LANCL1: variants seen among roughly 807,000 people sequenced by gnomAD.
LANCL1 encodes the protein LanC like glutathione S-transferase 1, also known as glutathione S-transferase LANCL1.
In LANCL1, 50 loss-of-function variants were observed where a neutral mutation model predicts 50.6. That is an observed-to-expected ratio of 0.99 (90% confidence interval 0.79 to 1.25). LANCL1 has a LOEUF of 1.25. Among genes scored for constraint, LANCL1 ranks in the 50% most tolerant of loss-of-function variants. The pLI, the probability that LANCL1 is intolerant of heterozygous loss-of-function variation, is 0.00. For synonymous variants in LANCL1, 188 were observed against 178.6 expected (o/e 1.05, Z -0.42); for missense variants, 532 against 480.7 (o/e 1.11, Z -1.00).
At chr2:210,438,377 C>T (rs182371985) in intron 6 of LANCL1, among the ~76,000 whole-genome samples, 3 of 152,208 alleles carry the variant, frequency 2.0e-5, no homozygotes, top group East Asian at 1.9e-4. Flanking sequence ...TCAGATGATC[C>T]GCCCACCTTG....
Position 210,433,363 on chromosome 2 carries a change from T to C in LANCL1, c.*1124A>G, listed in dbSNP as rs1247557131. 1 of 152,200 alleles carries C rather than the reference T, an allele frequency of 6.6e-6. No individual in the cohort carries two copies. Among genetic ancestry groups the C allele is most frequent in the African/African-American group, 2.4e-5 (1 of 41,450 alleles). The allele number at this position is 152,200 out of a possible 1,614,324, so 9.4% of individuals were successfully genotyped here. ...TGTTCTAAGCATGAACTCTGGATAATACCTCCTCAATAAAAAGCATTTCTA... is the reference window on the plus strand; with the variant it reads ...TGTTCTAAGCATGAACTCTGGATAACACCTCCTCAATAAAAAGCATTTCTA... On this transcript the variant is annotated 3_prime_UTR_variant, in exon 10 of 10. Coordinates refer to ENST00000450366, the MANE Select transcript of LANCL1 (RefSeq NM_006055.3).
chr2:210,453,597 C>T (rs557232150), intron 4 of LANCL1, among the ~76,000 whole-genome samples: 4 of 152,278 alleles, frequency 2.6e-5, no homozygotes, highest in Admixed American at 2.0e-4. Flanking sequence ...TATGGAAAGG[C>T]TGGCATTATA....
intron 3 of LANCL1, chr2:210,471,373 T>A (rs1694219577): frequency 2.9e-6 from 1 of 342,708 alleles, no homozygotes; most frequent in Non-Finnish European, 5.7e-6. Context: ...TTTCTCACCT[T>A]TTTTTGACAT....
rs1692768750 is a variant in LANCL1 at position 210,432,243 on chromosome 2, C to T, written c.*2244G>A. 1 of 152,048 alleles carries T rather than the reference C, an allele frequency of 6.6e-6. No individual in the cohort carries two copies. The highest frequency in any genetic ancestry group is 2.4e-5 in the African/African-American group (1 of 41,388). The allele number at this position is 152,048 out of a possible 1,614,324, so 9.4% of individuals were successfully genotyped here. ...ACTTTTTTGCTCTTAAGCATAAATA[C>T]AACAAATAGCATACATATAAAATTG... On this transcript the variant is annotated 3_prime_UTR_variant, in exon 10 of 10. Coordinates refer to ENST00000450366, the MANE Select transcript of LANCL1 (RefSeq NM_006055.3).
chr2:210,467,759 G>A (rs1694109908), intron 3 of LANCL1, among the ~76,000 whole-genome samples: 1 of 152,144 alleles, frequency 6.6e-6, no homozygotes, highest in Non-Finnish European at 1.5e-5. Context: ...TTAAACACAT[G>A]AATGTGTCAT....
chr2:210,453,522 C>A (rs1304748469), intron 4 of LANCL1, among the ~76,000 whole-genome samples: 1 of 152,172 alleles, frequency 6.6e-6, no homozygotes, highest in Non-Finnish European at 1.5e-5. Context: ...ATCTATGAAT[C>A]TTGGTCTCAT....
At chr2:210,453,588 A>G (rs933635455) in intron 4 of LANCL1, among the ~76,000 whole-genome samples, 2 of 152,230 alleles carry the variant, frequency 1.3e-5, no homozygotes, top group Admixed American at 1.3e-4. Flanking sequence ...TGCATGTATT[A>G]TGGAAAGGCT....
At chr2:210,436,796 T>C (rs1471960532) in intron 7 of LANCL1, among the ~76,000 whole-genome samples, 2 of 152,194 alleles carry the variant, frequency 1.3e-5, no homozygotes, top group Non-Finnish European at 2.9e-5. Flanking sequence ...TGTTCTTTAT[T>C]AAATATGCAG....
At position 210,434,441 on chromosome 2, in the gene LANCL1, AT is replaced by A. The variant is rs1173580250; in HGVS notation, c.*45del. On this transcript the variant is annotated 3_prime_UTR_variant, in exon 10 of 10. Transcript: ENST00000450366. ...GGAAGCACTTAGCTTGGGTTTGAAT[AT>A]ACAGAAAGGGTCATGCAGTGAGTTG... 6.8e-7 allele frequency: 1 copy of A among 1,475,232 alleles called. No homozygotes were observed. Among genetic ancestry groups the A allele is most frequent in the Non-Finnish European group, 9.4e-7 (1 of 1,060,064 alleles). The allele number at this position is 1,475,232 out of a possible 1,614,324, so 91.4% of individuals were successfully genotyped here.
intron 3 of LANCL1, among the ~76,000 whole-genome samples, chr2:210,464,678 G>A (rs1235667566): frequency 6.6e-6 from 1 of 152,094 alleles, no homozygotes; most frequent in Non-Finnish European, 1.5e-5. Context: ...TAAAACTTAT[G>A]CGTACAGGCC....
At chr2:210,450,819 G>A (rs1693489879) in intron 4 of LANCL1, among the ~76,000 whole-genome samples, 1 of 152,158 alleles carries the variant, frequency 6.6e-6, no homozygotes, top group African/African-American at 2.4e-5. Context: ...TCATTAAAAA[G>A]TTAGGAAACA....
chr2:210,431,760 C>T lies in LANCL1; in HGVS notation c.*2727G>A, dbSNP rs1165021694. On this transcript the variant is annotated 3_prime_UTR_variant, in exon 10 of 10. Coordinates refer to ENST00000450366, the MANE Select transcript of LANCL1 (RefSeq NM_006055.3). ...TTTGATGCCAAATAATTGGAACTGA[C>T]ATCAAAGATGAAAAGAGAGCCACAT... 2 of 152,130 alleles carry T rather than the reference C, an allele frequency of 1.3e-5. No individual in the cohort carries two copies. Among genetic ancestry groups the T allele is most frequent in the South Asian group, 4.2e-4 (2 of 4,814 alleles). 9.4% of individuals were successfully genotyped at this position (152,130 alleles called of 1,614,324 possible).
At chr2:210,444,003 A>G (rs1693231857) in intron 4 of LANCL1, among the ~76,000 whole-genome samples, 1 of 152,202 alleles carries the variant, frequency 6.6e-6, no homozygotes, top group Non-Finnish European at 1.5e-5. Context: ...CTGAGCTACA[A>G]AAACAGGGTA....
intron 6 of LANCL1, among the ~76,000 whole-genome samples, chr2:210,439,931 G>C (rs1693073052): frequency 6.6e-6 from 1 of 152,182 alleles, no homozygotes; most frequent in African/African-American, 2.4e-5. Flanking sequence ...AGAAGTGCCA[G>C]TTTCTCCTTA....
At chr2:210,448,196 C>T (rs1165654296) in intron 4 of LANCL1, among the ~76,000 whole-genome samples, 4 of 152,190 alleles carry the variant, frequency 2.6e-5, no homozygotes, top group African/African-American at 9.7e-5. Flanking sequence ...GATCAAGAAA[C>T]TCACTCAGAA....
At chr2:210,436,658 C>T (rs1235196807) in intron 7 of LANCL1, among the ~76,000 whole-genome samples, 1 of 152,146 alleles carries the variant, frequency 6.6e-6, no homozygotes. Context: ...ACTGAGGAAG[C>T]AGCATTATTT....
chr2:210,438,773 G>A (rs902909759), intron 6 of LANCL1, among the ~76,000 whole-genome samples: 2 of 152,130 alleles, frequency 1.3e-5, no homozygotes, highest in Non-Finnish European at 2.9e-5. Context: ...ACATAACAAC[G>A]TACAGATCCA....
chr2:210,458,131 G>T (rs1351134515), intron 3 of LANCL1, among the ~76,000 whole-genome samples: 3 of 152,192 alleles, frequency 2.0e-5, no homozygotes, highest in African/African-American at 7.2e-5. Flanking sequence ...GAAGCTCTGT[G>T]CTGAGGGTGG....
chr2:210,437,720 C>G lies in LANCL1; in HGVS notation c.843G>C (p.Gly281=). ...LLVHWCHGAP[G]VIYMLIQAYK... is the part of the protein sequence containing the mutation. ...AGGCCTGGATGAGCATGTAGATTACCCCAGGGGCGCCATGGCACCAATGGA... is the reference window on the plus strand; with the variant it reads ...AGGCCTGGATGAGCATGTAGATTACGCCAGGGGCGCCATGGCACCAATGGA... Residue 281 remains glycine (G), a synonymous_variant, in exon 7 of 10, where the codon GGG becomes GGC. Transcript: ENST00000450366. The G allele has an allele frequency of 1.9e-6, 3 of 1,609,676 alleles. No individual in the cohort carries two copies. The highest frequency in any genetic ancestry group is 2.5e-6 in the Non-Finnish European group (3 of 1,178,132).
Sources: allele counts gnomAD v4.1 joint callset (sites outside exome capture counted in the v4.1 genomes callset), GRCh38; gene constraint gnomAD v4.1.1; transcripts MANE v1.5; gene names NCBI Gene and HGNC (gene_info 2026-07-23, HGNC 2026-07-21).